CACNB2: variants seen among roughly 807,000 people sequenced by gnomAD.
The protein encoded by CACNB2 is voltage-dependent L-type calcium channel subunit beta-2.
Under a neutral mutation model 73.3 loss-of-function variants are expected in CACNB2, and 42 were observed. The observed-to-expected ratio is 0.57, with a 90% CI of 0.45 to 0.74. The LOEUF (loss-of-function observed/expected upper bound fraction) is 0.74. Ranked by LOEUF, CACNB2 falls within the 30% of genes least tolerant of loss-of-function variation. The pLI is 0.00. For synonymous variants in CACNB2, 348 were observed against 310.3 expected (o/e 1.12, Z -1.28); for missense variants, 940 against 853.0 (o/e 1.10, Z -1.27).
intron 2 of CACNB2, among the ~76,000 whole-genome samples, chr10:18,157,552 G>C (rs555913678): frequency 5.8e-4 from 89 of 152,296 alleles, no homozygotes; most frequent in African/African-American, 2.0e-3. Flanking sequence ...ACTATGGAGA[G>C]GGAAATAATA....
rs952384493 is a variant in CACNB2 at position 18,542,657 on chromosome 10, G to C, written c.*2933G>C. On this transcript the variant is annotated 3_prime_UTR_variant, in exon 14 of 14. Transcript: ENST00000324631. ...CTCAAAGAACTAGCTTGAAGGATTT[G>C]ACATAAGAGCCGCTATATGTGAAAA... is the stretch of plus-strand genomic sequence containing the variant. 36 of 152,224 alleles carry C rather than the reference G, an allele frequency of 2.4e-4. No individual in the cohort carries two copies. Among genetic ancestry groups the C allele is most frequent in the African/African-American group, 8.4e-4 (35 of 41,528 alleles). The allele number at this position is 152,224 out of a possible 1,614,324, so 9.4% of individuals were successfully genotyped here. A position where few individuals can be genotyped will look rare whatever the true frequency, so the allele number is the denominator to read the frequency against.
At chr10:18,396,997 C>T (rs1355662071) in intron 2 of CACNB2, among the ~76,000 whole-genome samples, 1 of 152,110 alleles carries the variant, frequency 6.6e-6, no homozygotes, top group East Asian at 1.9e-4. Context: ...AAGAGAAGAA[C>T]ACAATTTGGG....
At chr10:18,210,583 C>T (rs187286195) in intron 2 of CACNB2, among the ~76,000 whole-genome samples, 11 of 152,166 alleles carry the variant, frequency 7.2e-5, no homozygotes, top group Admixed American at 6.6e-4. Flanking sequence ...ACCTGTATAA[C>T]GCTGAGTTAT....
chr10:18,300,484 A>G (rs1216539091), intron 2 of CACNB2, among the ~76,000 whole-genome samples: 1 of 152,262 alleles, frequency 6.6e-6, no homozygotes, highest in Non-Finnish European at 1.5e-5. Context: ...TGGAAATACT[A>G]TCACCTTGTC....
chr10:18,482,614 G>A (rs900448657), intron 3 of CACNB2, among the ~76,000 whole-genome samples: 5 of 152,088 alleles, frequency 3.3e-5, no homozygotes, highest in African/African-American at 1.2e-4. Flanking sequence ...GGGTTCAAGC[G>A]ATTCTCCTGC....
At chr10:18,436,855 CT>C (rs1164302464) in intron 3 of CACNB2, among the ~76,000 whole-genome samples, 2 of 152,092 alleles carry the variant, frequency 1.3e-5, no homozygotes, top group Non-Finnish European at 2.9e-5. Flanking sequence ...TAAGATGAGG[CT>C]TTTTTCCCCT....
intron 2 of CACNB2, among the ~76,000 whole-genome samples, chr10:18,348,551 T>A (rs778525594): frequency 6.6e-5 from 10 of 152,120 alleles, no homozygotes; most frequent in Non-Finnish European, 1.5e-4. Context: ...TCTTGCTCTG[T>A]CACCCAGGCT....
intron 2 of CACNB2, among the ~76,000 whole-genome samples, chr10:18,375,290 C>T (rs1404442424): frequency 6.6e-6 from 1 of 152,130 alleles, no homozygotes; most frequent in East Asian, 1.9e-4. Context: ...TTCTCCCTCC[C>T]AATCCTGCAC....
intron 2 of CACNB2, among the ~76,000 whole-genome samples, chr10:18,315,674 C>G (rs2040155594): frequency 6.6e-6 from 1 of 151,692 alleles, no homozygotes; most frequent in South Asian, 2.1e-4. Context: ...AACCTGTGTG[C>G]TAGAGTAGGA....
chr10:18,523,688 G>A (rs984021564), intron 9 of CACNB2, among the ~76,000 whole-genome samples: 1 of 152,142 alleles, frequency 6.6e-6, no homozygotes, highest in Non-Finnish European at 1.5e-5. Context: ...TAGAGTAACT[G>A]AATTATTGAC....
At chr10:18,141,216 G>A in intron 1 of CACNB2, 1 of 1,109,590 alleles carries the variant, frequency 9.0e-7, no homozygotes. Context: ...GCTGAAGATC[G>A]TGAGTCCGGG....
At position 18,185,606 on chromosome 10, in the gene CACNB2, T is replaced by C. The variant is rs1025692963; in HGVS notation, c.213+34631T>C. Among the ~76,000 whole-genome samples the C allele has an allele frequency of 1.5e-4, 23 of 152,198 alleles. 1 individual carries two copies. The highest frequency in any genetic ancestry group is 5.3e-4 in the African/African-American group (22 of 41,448). ...TTTTATATACTAACTGAAATAGTAC[T>C]GAGGTCAATAGCTTGCATTTGGAAA... is the stretch of plus-strand genomic sequence containing the variant. On this transcript the variant is annotated intron_variant, in intron 2 of 13. Transcript: ENST00000324631.
intron 6 of CACNB2, among the ~76,000 whole-genome samples, chr10:18,511,030 T>C (rs1009311863): frequency 6.6e-6 from 1 of 152,200 alleles, no homozygotes; most frequent in African/African-American, 2.4e-5. Context: ...AAGGAAACTT[T>C]CCTATATGAG....
chr10:18,333,183 T>A (rs892133756), intron 2 of CACNB2, among the ~76,000 whole-genome samples: 1 of 152,146 alleles, frequency 6.6e-6, no homozygotes, highest in Non-Finnish European at 1.5e-5. Flanking sequence ...TTTTTGCAGT[T>A]AGTCGTAATA....
At chr10:18,298,992 C>T (rs2039390635) in intron 2 of CACNB2, among the ~76,000 whole-genome samples, 1 of 148,616 alleles carries the variant, frequency 6.7e-6, no homozygotes, top group Admixed American at 6.8e-5. Context: ...GAGTGCAGCA[C>T]ACCAACATGG....
At chr10:18,235,411 T>C (rs916879839) in intron 2 of CACNB2, among the ~76,000 whole-genome samples, 1 of 152,114 alleles carries the variant, frequency 6.6e-6, no homozygotes, top group African/African-American at 2.4e-5. Flanking sequence ...TGAGCTATGA[T>C]CACACCACTG....
At chr10:18,534,767 T>C (rs1288203354) in intron 11 of CACNB2, among the ~76,000 whole-genome samples, 2 of 152,238 alleles carry the variant, frequency 1.3e-5, no homozygotes, top group African/African-American at 2.4e-5. Flanking sequence ...TCCTGCTGTA[T>C]ACCAAAAAGT....
intron 2 of CACNB2, among the ~76,000 whole-genome samples, chr10:18,289,508 A>T (rs2038971078): frequency 6.6e-6 from 1 of 151,860 alleles, no homozygotes; most frequent in Admixed American, 6.6e-5. Flanking sequence ...GTTAGCCAGG[A>T]TGGTCTTAAT....
intron 2 of CACNB2, among the ~76,000 whole-genome samples, chr10:18,336,773 T>TA (rs1208816214): frequency 2.0e-5 from 3 of 152,214 alleles, no homozygotes; most frequent in East Asian, 1.9e-4. Flanking sequence ...CTCACAGAGA[T>TA]AAAAAATATC....
Sources: allele counts gnomAD v4.1 joint callset (sites outside exome capture counted in the v4.1 genomes callset), GRCh38; gene constraint gnomAD v4.1.1; transcripts MANE v1.5; gene names NCBI Gene and HGNC (gene_info 2026-07-23, HGNC 2026-07-21).